The following DOCK9 variants were observed in gnomAD, a reference collection of about 807,000 sequenced individuals.
The protein encoded by DOCK9 is dedicator of cytokinesis 9.
In DOCK9, 89 loss-of-function variants were observed where a neutral mutation model predicts 263.3. The observed-to-expected ratio is 0.34, with a 90% CI of 0.28 to 0.40. The LOEUF (loss-of-function observed/expected upper bound fraction) is 0.40, where lower values mean the gene tolerates loss of function less well. Ranked by LOEUF, DOCK9 falls within the 10% of genes least tolerant of loss-of-function variation. DOCK9 has a pLI of 1.00. For missense variants in DOCK9, 2,140 were observed against 2,603.4 expected (o/e 0.82, Z 3.87); for synonymous variants, 976 against 973.1 (o/e 1.00, Z -0.06).
chr13:98,798,317 A>G (rs1486397025), intron 50 of DOCK9, among the ~76,000 whole-genome samples: 3 of 152,194 alleles, frequency 2.0e-5, no homozygotes, highest in African/African-American at 7.2e-5. Context: ...GTTCTGACCC[A>G]TGGTAGGCAG....
chr13:98,839,011 T>C (rs1035248381), intron 38 of DOCK9, among the ~76,000 whole-genome samples: 1 of 152,230 alleles, frequency 6.6e-6, no homozygotes, highest in Non-Finnish European at 1.5e-5. Flanking sequence ...CTGACTCAAA[T>C]GTCAGAATTA....
At chr13:98,948,356 T>C (rs2056983174) in intron 2 of DOCK9, among the ~76,000 whole-genome samples, 1 of 152,234 alleles carries the variant, frequency 6.6e-6, no homozygotes, top group African/African-American at 2.4e-5. Flanking sequence ...TCCTATCCTT[T>C]CTTTTCAATT....
chr13:99,046,917 G>C (rs1169531428), intron 1 of DOCK9, among the ~76,000 whole-genome samples: 1 of 152,224 alleles, frequency 6.6e-6, no homozygotes, highest in Non-Finnish European at 1.5e-5. Flanking sequence ...ATGCTCCAAA[G>C]GAAAGCCCAT....
At chr13:98,907,612 A>C (rs2049321371) in intron 9 of DOCK9, among the ~76,000 whole-genome samples, 1 of 152,236 alleles carries the variant, frequency 6.6e-6, no homozygotes, top group East Asian at 1.9e-4. Context: ...GGACAGCTTT[A>C]GATGCAAAAA....
chr13:99,014,056 C>G (rs1884991099), intron 1 of DOCK9, among the ~76,000 whole-genome samples: 1 of 152,152 alleles, frequency 6.6e-6, no homozygotes, highest in South Asian at 2.1e-4. Context: ...AATCCCAGAC[C>G]CAGAGCTCTG....
chr13:98,903,565 A>G (rs1012327431), intron 10 of DOCK9, among the ~76,000 whole-genome samples: 1 of 141,982 alleles, frequency 7.0e-6, no homozygotes, highest in African/African-American at 2.6e-5. Flanking sequence ...GCACCACTGC[A>G]CTCCAGCCTG....
chr13:99,035,597 C>A (rs773618979), intron 1 of DOCK9, among the ~76,000 whole-genome samples: 1 of 152,168 alleles, frequency 6.6e-6, no homozygotes, highest in African/African-American at 2.4e-5. Context: ...GGCAGAGCAA[C>A]AAGATAGAAG....
At chr13:98,962,240 A>T in intron 1 of DOCK9, among the ~76,000 whole-genome samples, 1 of 152,230 alleles carries the variant, frequency 6.6e-6, no homozygotes, top group East Asian at 1.9e-4. Flanking sequence ...CTAGAGGTTC[A>T]TTGATAAAAA....
chr13:99,082,240 G>A (rs879302519), intron 1 of DOCK9, among the ~76,000 whole-genome samples: 7 of 149,298 alleles, frequency 4.7e-5, no homozygotes, highest in African/African-American at 9.9e-5. Context: ...AAATAAGGCC[G>A]GGCGCAGTGG....
At chr13:99,024,126 G>A (rs1336147870) in intron 1 of DOCK9, among the ~76,000 whole-genome samples, 1 of 152,190 alleles carries the variant, frequency 6.6e-6, no homozygotes, top group African/African-American at 2.4e-5. Flanking sequence ...CATAAATGCT[G>A]ATGCTGTATC....
chr13:99,001,384 C>T (rs1261262538), intron 1 of DOCK9, among the ~76,000 whole-genome samples: 1 of 152,204 alleles, frequency 6.6e-6, no homozygotes, highest in Non-Finnish European at 1.5e-5. Flanking sequence ...GTCCTGTTGA[C>T]AATCTAAATG....
chr13:99,002,207 G>GA (rs1383691628), intron 1 of DOCK9, among the ~76,000 whole-genome samples: 4 of 152,128 alleles, frequency 2.6e-5, no homozygotes, highest in Non-Finnish European at 4.4e-5. Flanking sequence ...TTGTGTGGGG[G>GA]ATCAGAGCTT....
intron 7 of DOCK9, among the ~76,000 whole-genome samples, chr13:98,915,906 A>C (rs1466336888): frequency 6.6e-6 from 1 of 152,158 alleles, no homozygotes; most frequent in Non-Finnish European, 1.5e-5. Context: ...TAAAATTTTC[A>C]TATTTCTTCA....
chr13:98,871,020 C>T (rs1429292764), intron 27 of DOCK9, among the ~76,000 whole-genome samples: 5 of 152,078 alleles, frequency 3.3e-5, no homozygotes, highest in Non-Finnish European at 5.9e-5. Context: ...CAGACAAACC[C>T]AACTATAGGA....
At chr13:98,890,395 A>G (rs2046435749) in intron 15 of DOCK9, among the ~76,000 whole-genome samples, 1 of 152,206 alleles carries the variant, frequency 6.6e-6, no homozygotes, top group African/African-American at 2.4e-5. Flanking sequence ...AGGCTACCAC[A>G]GCACCCACAC....
intron 1 of DOCK9, among the ~76,000 whole-genome samples, chr13:99,030,541 C>A (rs913573836): frequency 6.6e-6 from 1 of 152,144 alleles, no homozygotes; most frequent in Non-Finnish European, 1.5e-5. Flanking sequence ...GGGATAGTAC[C>A]AGCATTCAAA....
At position 98,898,281 on chromosome 13, in the gene DOCK9, A is replaced by G; in HGVS notation, c.1504-20T>C. 1.3e-6 allele frequency: 2 copies of G among 1,595,892 alleles called. No homozygotes were observed. The highest frequency in any genetic ancestry group is 1.7e-6 in the Non-Finnish European group (2 of 1,166,822). On this transcript the variant is annotated intron_variant, in intron 13 of 52. Transcript: ENST00000682017. Reference sequence around the variant, plus strand: ...GGCCACCTTGAAGACATGAGAATAAAGCTATGAGATACTGCATCTCACTGA... The same window carrying G: ...GGCCACCTTGAAGACATGAGAATAAGGCTATGAGATACTGCATCTCACTGA...
chr13:99,062,707 C>A (rs1338257304), intron 1 of DOCK9, among the ~76,000 whole-genome samples: 1 of 152,208 alleles, frequency 6.6e-6, no homozygotes, highest in East Asian at 1.9e-4. Flanking sequence ...CCTGCTTTCT[C>A]AATACCAAAT....
chr13:98,809,692 A>G (rs539868056), intron 46 of DOCK9, among the ~76,000 whole-genome samples: 4 of 152,314 alleles, frequency 2.6e-5, no homozygotes, highest in African/African-American at 9.6e-5. Context: ...TAGAGTAAGC[A>G]AACTCTGTTT....
Sources: allele counts gnomAD v4.1 joint callset (sites outside exome capture counted in the v4.1 genomes callset), GRCh38; gene constraint gnomAD v4.1.1; transcripts MANE v1.5; gene names NCBI Gene and HGNC (gene_info 2026-07-23, HGNC 2026-07-21).